The following EPHB1 variants were observed in gnomAD, a reference collection of about 807,000 sequenced individuals.
EPHB1 encodes ephrin type-B receptor 1.
Under a neutral mutation model 94.4 loss-of-function variants are expected in EPHB1, and 30 were observed. The observed-to-expected ratio is 0.32, with a 90% CI of 0.24 to 0.43. The LOEUF (loss-of-function observed/expected upper bound fraction) is 0.43, where lower values mean the gene tolerates loss of function less well. Among genes scored for constraint, EPHB1 ranks in the 20% least tolerant of loss-of-function variants. The pLI, the probability that EPHB1 is intolerant of heterozygous loss-of-function variation, is 1.00. For synonymous variants in EPHB1, 522 were observed against 489.1 expected, an observed-to-expected ratio of 1.07 and a Z score of -0.89; for missense variants, 1,055 against 1,308.3, an observed-to-expected ratio of 0.81 and a Z score of 2.99.
chr3:135,188,956 G>A (rs1209299055), intron 10 of EPHB1, among the ~76,000 whole-genome samples: 2 of 152,166 alleles, frequency 1.3e-5, no homozygotes, highest in East Asian at 3.8e-4. Context: ...TGAGAGCAGT[G>A]ACACCATGAC....
intron 12 of EPHB1, among the ~76,000 whole-genome samples, chr3:135,230,722 C>T (rs1271811886): frequency 6.6e-6 from 1 of 152,118 alleles, no homozygotes; most frequent in Non-Finnish European, 1.5e-5. Flanking sequence ...TCCCTCCCTC[C>T]CTCTCACCTC....
At chr3:134,974,017 T>C (rs1934085852) in intron 3 of EPHB1, among the ~76,000 whole-genome samples, 2 of 152,306 alleles carry the variant, frequency 1.3e-5, no homozygotes, top group South Asian at 4.1e-4. Context: ...GTGATTTGGC[T>C]GGAAGGCAAG....
rs564771783 is a variant in EPHB1, at chr3:135,217,007, C to T, written c.2346+15318C>T. Among the ~76,000 whole-genome samples the T allele has an allele frequency of 3.9e-5, 6 of 152,262 alleles. No homozygotes were observed. In the East Asian group the frequency reaches 7.7e-4, roughly 20 times the overall value. ...TGTCTGGAATTAAAAGGTCTTTTCT[C>T]GGCAGGGAACTTGCTAGGGTGTCTT... On this transcript the variant is annotated intron_variant, in intron 12 of 15. Coordinates refer to ENST00000398015, the MANE Select transcript of EPHB1 (RefSeq NM_004441.5).
intron 3 of EPHB1, among the ~76,000 whole-genome samples, chr3:135,085,032 G>T (rs1047638512): frequency 2.6e-5 from 4 of 152,184 alleles, no homozygotes; most frequent in Non-Finnish European, 5.9e-5. Flanking sequence ...CAAGGGTTTA[G>T]GAACTGATTC....
chr3:135,163,395 C>T (rs1257253401), intron 7 of EPHB1, among the ~76,000 whole-genome samples: 1 of 152,168 alleles, frequency 6.6e-6, no homozygotes, highest in African/African-American at 2.4e-5. Flanking sequence ...TGTGAACCGT[C>T]TGGCCCCTGT....
At chr3:135,146,525 C>G (rs1303167292) in intron 5 of EPHB1, among the ~76,000 whole-genome samples, 1 of 152,178 alleles carries the variant, frequency 6.6e-6, no homozygotes, top group Non-Finnish European at 1.5e-5. Context: ...TGTTCACTGT[C>G]CAGAGTCACT....
At chr3:134,993,019 G>T (rs968945339) in intron 3 of EPHB1, among the ~76,000 whole-genome samples, 2 of 152,190 alleles carry the variant, frequency 1.3e-5, no homozygotes, top group Non-Finnish European at 2.9e-5. Flanking sequence ...CACCTGCCTT[G>T]TGAGCTTTTC....
chr3:135,209,980 C>T (rs569633021), intron 12 of EPHB1, among the ~76,000 whole-genome samples: 16 of 152,092 alleles, frequency 1.1e-4, no homozygotes, highest in Admixed American at 2.6e-4. Context: ...TGACAGATGG[C>T]GGAGGATGAC....
chr3:135,030,111 A>G (rs1220340881), intron 3 of EPHB1, among the ~76,000 whole-genome samples: 2 of 151,312 alleles, frequency 1.3e-5, no homozygotes, highest in Non-Finnish European at 2.9e-5. Context: ...TGGTTATTCT[A>G]GTTATACATT....
intron 5 of EPHB1, among the ~76,000 whole-genome samples, chr3:135,149,065 G>A (rs1454300574): frequency 6.6e-6 from 1 of 152,166 alleles, no homozygotes; most frequent in Non-Finnish European, 1.5e-5. Flanking sequence ...AGGGTGCAGG[G>A]CACCTTTGAT....
At chr3:135,062,161 A>C (rs1301170310) in intron 3 of EPHB1, among the ~76,000 whole-genome samples, 1 of 152,182 alleles carries the variant, frequency 6.6e-6, no homozygotes, top group Non-Finnish European at 1.5e-5. Context: ...TGCATGTGTG[A>C]GAATCTTTTT....
chr3:135,165,728 G>A (rs978561562), intron 7 of EPHB1, among the ~76,000 whole-genome samples: 2 of 152,232 alleles, frequency 1.3e-5, no homozygotes, highest in Admixed American at 1.3e-4. Context: ...AATGTCATCA[G>A]CTATAGTTCC....
intron 3 of EPHB1, among the ~76,000 whole-genome samples, chr3:134,958,413 AGTGTGTGTGTGTGTGTGT>A (rs3067407): frequency 5.1e-5 from 5 of 97,668 alleles, no homozygotes; most frequent in Admixed American, 3.8e-4. Context: ...AACACAAGGG[AGTGTGTGTGTGTGTGTGT>A]GTGTGTGTGT....
intron 6 of EPHB1, 54 bp from the exon 7 acceptor site, chr3:135,161,963 TG>T (rs1367374348): frequency 1.9e-6 from 3 of 1,552,116 alleles, no homozygotes; most frequent in African/African-American, 1.4e-5. Flanking sequence ...TGGAGTGGGC[TG>T]GGGGTGTAGC....
rs779210869 is a variant in EPHB1 at position 135,192,791 on chromosome 3, A to G, written c.2098A>G (p.Met700Val). The G allele has an allele frequency of 1.7e-5, 28 of 1,613,990 alleles. 1 individual carries two copies. Among genetic ancestry groups the G allele is most frequent in the Non-Finnish European group, 2.4e-5 (28 of 1,180,006 alleles). Residue 700 changes from methionine to valine, a missense_variant, in exon 11 of 16, where the codon ATG (methionine) becomes GTG (valine). Transcript: ENST00000398015. ...GCCTGTCATGATCATCACAGAGTTCATGGAGAATGGTGCATTGGATTCTTT... is the reference window on the plus strand; with the variant it reads ...GCCTGTCATGATCATCACAGAGTTCGTGGAGAATGGTGCATTGGATTCTTT... ...SRPVMIITEF[M>V]ENGALDSFLR...
At chr3:134,881,220 G>C (rs571938222) in intron 1 of EPHB1, among the ~76,000 whole-genome samples, 1 of 152,308 alleles carries the variant, frequency 6.6e-6, no homozygotes, top group East Asian at 1.9e-4. Context: ...TCTCCTGGGA[G>C]GCAGAGGCTC....
chr3:134,939,100 CAAGATTTTGT>C (rs2039065652), intron 2 of EPHB1, among the ~76,000 whole-genome samples: 2 of 152,224 alleles, frequency 1.3e-5, no homozygotes, highest in South Asian at 4.2e-4. Context: ...CTCTACCATC[CAAGATTTTGT>C]GGAGCTCTGC....
chr3:135,088,497 A>G (rs565330443), intron 3 of EPHB1, among the ~76,000 whole-genome samples: 3 of 152,330 alleles, frequency 2.0e-5, no homozygotes, highest in South Asian at 2.1e-4. Context: ...CTCATGTAAA[A>G]TAAGTCCGGG....
At chr3:134,804,033 C>T (rs2035984240) in intron 1 of EPHB1, among the ~76,000 whole-genome samples, 1 of 149,904 alleles carries the variant, frequency 6.7e-6, no homozygotes, top group African/African-American at 2.5e-5. Flanking sequence ...TCCCATGTGC[C>T]CCTGCGAGTC....
Sources: allele counts gnomAD v4.1 joint callset (sites outside exome capture counted in the v4.1 genomes callset), GRCh38; gene constraint gnomAD v4.1.1; transcripts MANE v1.5; gene names NCBI Gene and HGNC (gene_info 2026-07-23, HGNC 2026-07-21).